Variants in SLC9A4 observed in about 807,000 individuals in gnomAD.
SLC9A4 encodes the protein sodium/hydrogen exchanger 4.
In SLC9A4, 63 loss-of-function variants were observed where a neutral mutation model predicts 67.4. The ratio of observed to expected loss-of-function variants is 0.93; its 90% CI spans 0.76 to 1.15. The LOEUF is 1.15. SLC9A4 is among the 50% of genes most tolerant of loss of function. The pLI, the probability that SLC9A4 is intolerant of heterozygous loss-of-function variation, is 0.00. For missense variants in SLC9A4, 1,089 were observed against 987.7 expected (o/e 1.10, Z -1.38); for synonymous variants, 393 against 367.2 (o/e 1.07, Z -0.80).
chr2:102,482,503 G>T (rs1011088188), intron 2 of SLC9A4, among the ~76,000 whole-genome samples: 2 of 152,120 alleles, frequency 1.3e-5, no homozygotes, highest in Non-Finnish European at 2.9e-5. Context: ...TATAAATACT[G>T]TCATACTTTC....
At chr2:102,494,530 A>G in intron 2 of SLC9A4, among the ~76,000 whole-genome samples, 1 of 152,192 alleles carries the variant, frequency 6.6e-6, no homozygotes, top group Non-Finnish European at 1.5e-5. Flanking sequence ...CGCTCCAATT[A>G]AAAGTCAGAG....
intron 2 of SLC9A4, among the ~76,000 whole-genome samples, chr2:102,480,971 G>T (rs1684450084): frequency 6.6e-6 from 1 of 152,166 alleles, no homozygotes; most frequent in Non-Finnish European, 1.5e-5. Context: ...GTGCTCCCTG[G>T]TTCTCACAGG....
chr2:102,483,655 A>G (rs1438536357), intron 2 of SLC9A4, among the ~76,000 whole-genome samples: 2 of 151,844 alleles, frequency 1.3e-5, no homozygotes, highest in African/African-American at 4.8e-5. Flanking sequence ...CAGAACACAC[A>G]TACGCTTAAT....
intron 6 of SLC9A4, among the ~76,000 whole-genome samples, chr2:102,509,856 T>C (rs192267569): frequency 6.6e-6 from 1 of 152,260 alleles, no homozygotes; most frequent in Admixed American, 6.5e-5. Context: ...ATGGAGATAA[T>C]GGAAGAAAAA....
intron 1 of SLC9A4, among the ~76,000 whole-genome samples, chr2:102,475,813 T>C (rs1202983642): frequency 6.6e-6 from 1 of 152,214 alleles, no homozygotes; most frequent in East Asian, 1.9e-4. Flanking sequence ...GGTAGTTTTA[T>C]GTATAAGGGC....
At chr2:102,486,683 TC>T (rs1389383981) in intron 2 of SLC9A4, among the ~76,000 whole-genome samples, 1 of 152,150 alleles carries the variant, frequency 6.6e-6, no homozygotes, top group Non-Finnish European at 1.5e-5. Flanking sequence ...TGGGACCCAA[TC>T]CTTTTGTGCC....
At chr2:102,528,086 T>C (rs143740849) in intron 11 of SLC9A4, among the ~76,000 whole-genome samples, 1 of 152,112 alleles carries the variant, frequency 6.6e-6, no homozygotes, top group Non-Finnish European at 1.5e-5. Flanking sequence ...TGGCTCACTG[T>C]AACCTCTGCC....
At chr2:102,502,493 G>A (rs1684963264) in intron 2 of SLC9A4, among the ~76,000 whole-genome samples, 1 of 152,166 alleles carries the variant, frequency 6.6e-6, no homozygotes, top group Non-Finnish European at 1.5e-5. Context: ...TATAATAAAG[G>A]CATAACTATA....
chr2:102,519,780 C>G (rs2104444911), intron 8 of SLC9A4, 79 bp from the exon 9 acceptor site: 1 of 1,342,294 alleles, frequency 7.4e-7, no homozygotes, highest in Non-Finnish European at 1.1e-6. Context: ...CAGTACAGAG[C>G]AAGGCCCACT....
chr2:102,501,082 CCG>C (rs1684920146), intron 2 of SLC9A4, among the ~76,000 whole-genome samples: 1 of 151,838 alleles, frequency 6.6e-6, no homozygotes, highest in African/African-American at 2.4e-5. Flanking sequence ...CCTCAGTCTC[CCG>C]AGTAGCTGGG....
chr2:102,492,435 A>C (rs1467166612), intron 2 of SLC9A4, among the ~76,000 whole-genome samples: 1 of 152,220 alleles, frequency 6.6e-6, no homozygotes, highest in Admixed American at 6.5e-5. Context: ...TCAATTCTTG[A>C]CTTCTGTGCA....
Position 102,478,970 on chromosome 2 carries a change from T to C in SLC9A4, c.388T>C (p.Tyr130His). Residue 130 changes from tyrosine (Y) to histidine (H), a missense_variant, in exon 2 of 12, where the codon TAC becomes CAC. Physicochemically the swap from Tyr to His is moderately conservative, Grantham distance 83. Coordinates refer to ENST00000295269, the MANE Select transcript of SLC9A4 (RefSeq NM_001011552.4). Reference sequence around the variant, plus strand: ...GCCTCCGGTCATGGACTCCAGCATCTACTTCCTGTATCTCCTGCCACCCAT... The same window carrying C: ...GCCTCCGGTCATGGACTCCAGCATCCACTTCCTGTATCTCCTGCCACCCAT... ...KSPPVMDSSIYFLYLLPPIVL... is the reference protein window; with the variant it reads ...KSPPVMDSSIHFLYLLPPIVL... 6.2e-7 allele frequency: 1 copy of C among 1,614,068 alleles called. No individual in the cohort carries two copies. Among genetic ancestry groups the C allele is most frequent in the Non-Finnish European group, 8.5e-7 (1 of 1,179,970 alleles).
intron 7 of SLC9A4, among the ~76,000 whole-genome samples, chr2:102,513,008 C>T (rs1174178140): frequency 6.6e-6 from 1 of 152,104 alleles, no homozygotes. Context: ...CGTCAGGAGA[C>T]ACAAAGCATC....
chr2:102,484,022 T>C (rs971836827), intron 2 of SLC9A4, among the ~76,000 whole-genome samples: 7 of 151,874 alleles, frequency 4.6e-5, no homozygotes, highest in African/African-American at 1.7e-4. Context: ...ACAATATCCC[T>C]AGTTAAATCT....
chr2:102,526,981 G>T (rs1573358622), intron 11 of SLC9A4, among the ~76,000 whole-genome samples: 1 of 152,048 alleles, frequency 6.6e-6, no homozygotes, highest in South Asian at 2.1e-4. Flanking sequence ...TAATTTTTAA[G>T]TGTTAAAATC....
intron 4 of SLC9A4, among the ~76,000 whole-genome samples, chr2:102,506,553 T>C (rs1351772069): frequency 6.6e-6 from 1 of 152,196 alleles, no homozygotes; most frequent in Non-Finnish European, 1.5e-5. Flanking sequence ...TTATCTTAAA[T>C]CATTATCACC....
At chr2:102,479,386 C>G in intron 2 of SLC9A4, 84 bp downstream of exon 2, 2 of 1,394,068 alleles carry the variant, frequency 1.4e-6, no homozygotes, top group African/African-American at 1.4e-5. Context: ...GGAGACGGCT[C>G]CAGTGTGGCT....
intron 2 of SLC9A4, among the ~76,000 whole-genome samples, chr2:102,491,643 T>C (rs76966623): frequency 0.013 from 2,018 of 152,276 alleles, 46 homozygotes; most frequent in African/African-American, 0.045. Context: ...GTAGGGATTA[T>C]GCGAGCTACA....
chr2:102,511,956 T>C (rs1409025815), intron 6 of SLC9A4, among the ~76,000 whole-genome samples: 1 of 152,162 alleles, frequency 6.6e-6, no homozygotes, highest in African/African-American at 2.4e-5. Flanking sequence ...CCAGGTGCCC[T>C]GTTTTCATTA....
Sources: gnomAD v4.1 joint callset for allele counts (sites outside exome capture counted in the v4.1 genomes callset) on GRCh38, gnomAD v4.1.1 for gene constraint, MANE v1.5 for transcripts, NCBI Gene and HGNC (gene_info 2026-07-23, HGNC 2026-07-21) for gene names.